Variants in DPYSL5 observed in about 807,000 individuals in gnomAD.
DPYSL5 encodes the protein dihydropyrimidinase-related protein 5.
In DPYSL5, 9 loss-of-function variants were observed where a neutral mutation model predicts 58.4. That is an observed-to-expected ratio of 0.15 (90% CI 0.09 to 0.27). DPYSL5 has a LOEUF of 0.27. Ranked by LOEUF, DPYSL5 falls within the 10% of genes least tolerant of loss-of-function variation. The pLI is 1.00. For missense variants in DPYSL5, 499 were observed against 770.6 expected (o/e 0.65, Z 4.17); for synonymous variants, 293 against 301.9 (o/e 0.97, Z 0.31).
chr2:26,900,743 AGTCCATTCTGGG>A (rs1664137980), intron 2 of DPYSL5, among the ~76,000 whole-genome samples: 1 of 152,230 alleles, frequency 6.6e-6, no homozygotes, highest in Admixed American at 6.5e-5. Flanking sequence ...TGACATCACC[AGTCCATTCTGGG>A]GTCCATTCTG....
rs1165795465 is a variant in DPYSL5 at position 26,849,546 on chromosome 2, G to T, written c.-5+1292G>T. ...GCTTGAAACCAGCCGGTAGCGACTC[G>T]CTTAGGGTTTTGTGATCTTCCGCGG... On this transcript the variant is annotated intron_variant, in intron 1 of 12. Coordinates refer to ENST00000288699, the MANE Select transcript of DPYSL5 (RefSeq NM_020134.4). The surrounding 1 kb of genome is among the most constrained non-coding windows in gnomAD (Gnocchi z 6.2). Among the ~76,000 whole-genome samples, 1 of 152,158 alleles carries T rather than the reference G, an allele frequency of 6.6e-6. No homozygotes were observed. Among genetic ancestry groups the T allele is most frequent in the Non-Finnish European group, 1.5e-5 (1 of 68,012 alleles).
chr2:26,850,450 A>G, intron 1 of DPYSL5, among the ~76,000 whole-genome samples: 1 of 152,142 alleles, frequency 6.6e-6, no homozygotes, highest in Non-Finnish European at 1.5e-5. Flanking sequence ...CAAAGCCAGA[A>G]TTCTGTGTTG....
At chr2:26,910,109 C>A (rs551084622) in intron 2 of DPYSL5, among the ~76,000 whole-genome samples, 1 of 152,066 alleles carries the variant, frequency 6.6e-6, no homozygotes, top group African/African-American at 2.4e-5. Context: ...TGGAGCAATG[C>A]GATATGCATT....
intron 1 of DPYSL5, among the ~76,000 whole-genome samples, chr2:26,897,441 TA>T (rs1558336496): frequency 6.6e-6 from 1 of 152,252 alleles, no homozygotes; most frequent in African/African-American, 2.4e-5. Flanking sequence ...TTCCTTAGTT[TA>T]TAAAGATGGT....
intron 2 of DPYSL5, among the ~76,000 whole-genome samples, chr2:26,905,000 C>T (rs778741991): frequency 6.6e-6 from 1 of 152,236 alleles, no homozygotes; most frequent in Admixed American, 6.5e-5. Flanking sequence ...TTTCACCACC[C>T]TGTTCAAGGC....
At position 26,899,182 on chromosome 2, in the gene DPYSL5, G is replaced by T. The variant is rs113589680; in HGVS notation, c.261+422G>T. On this transcript the variant is annotated intron_variant, in intron 2 of 12. Transcript: ENST00000288699. Reference sequence around the variant, plus strand: ...GAAAGACAAATTTGCTTCTTCTAGAGGATGAGACAGCTTCTATTACCTCTC... The same window carrying T: ...GAAAGACAAATTTGCTTCTTCTAGATGATGAGACAGCTTCTATTACCTCTC... Among the ~76,000 whole-genome samples the T allele has an allele frequency of 2.1e-3, 325 of 152,182 alleles. 1 individual carries two copies. The highest frequency in any genetic ancestry group is 7.6e-3 in the African/African-American group (315 of 41,508).
intron 2 of DPYSL5, among the ~76,000 whole-genome samples, chr2:26,910,616 C>CTTTTTTTTTTT (rs34929540): frequency 1.6e-4 from 19 of 118,510 alleles, no homozygotes; most frequent in South Asian, 2.8e-4. Flanking sequence ...TCTTCTTCTT[C>CTTTTTTTTTTT]TTTTTTTTTT....
intron 1 of DPYSL5, among the ~76,000 whole-genome samples, chr2:26,863,924 A>G (rs1325512079): frequency 2.0e-5 from 3 of 152,176 alleles, no homozygotes; most frequent in African/African-American, 7.2e-5. Context: ...TTTTCGTTTT[A>G]ATAGATACAA....
chr2:26,943,801 T>C (rs1294725392), intron 11 of DPYSL5, among the ~76,000 whole-genome samples: 2 of 152,246 alleles, frequency 1.3e-5, no homozygotes, highest in Non-Finnish European at 2.9e-5. Flanking sequence ...GGCAGTCTGG[T>C]TGTAGAATAT....
At chr2:26,928,125 G>A (rs1210993962) in intron 4 of DPYSL5, 130 bp from the exon 5 acceptor site, 2 of 956,482 alleles carry the variant, frequency 2.1e-6, no homozygotes, top group East Asian at 5.3e-5. Context: ...GAACACTGCA[G>A]AAGTGAGAAA....
At chr2:26,873,927 A>G (rs1477287922) in intron 1 of DPYSL5, among the ~76,000 whole-genome samples, 1 of 152,240 alleles carries the variant, frequency 6.6e-6, no homozygotes, top group Non-Finnish European at 1.5e-5. Context: ...AAATTGACAC[A>G]TAAAATTAAC....
Position 26,924,436 on chromosome 2 carries a change from G to T in DPYSL5, c.262-451G>T, listed in dbSNP as rs1320520898. The stretch of plus-strand genomic sequence containing the variant: ...GGTTCAAATATACGTGTGTAACTAA[G>T]TAAATGATATAAACAGACATTTGAT... On this transcript the variant is annotated intron_variant, in intron 2 of 12. Coordinates refer to ENST00000288699, the MANE Select transcript of DPYSL5 (RefSeq NM_020134.4). The surrounding 1 kb of genome is among the most constrained non-coding windows in gnomAD (Gnocchi z 4.7). Among the ~76,000 whole-genome samples, 8 of 152,132 alleles carry T rather than the reference G, an allele frequency of 5.3e-5. No individual in the cohort carries two copies. Among genetic ancestry groups the T allele is most frequent in the Non-Finnish European group, 7.3e-5 (5 of 68,032 alleles).
At chr2:26,866,337 TA>T (rs758687195) in intron 1 of DPYSL5, among the ~76,000 whole-genome samples, 28 of 152,194 alleles carry the variant, frequency 1.8e-4, no homozygotes, top group Non-Finnish European at 3.8e-4. Flanking sequence ...CTGATTTTAT[TA>T]ACAATACATA....
chr2:26,902,180 G>T (rs1379440999), intron 2 of DPYSL5, among the ~76,000 whole-genome samples: 2 of 152,168 alleles, frequency 1.3e-5, no homozygotes, highest in Non-Finnish European at 2.9e-5. Flanking sequence ...GGGGGAGAGG[G>T]AGTGAGGAGG....
rs749046321 is a variant in DPYSL5 at position 26,944,769 on chromosome 2, C to T, written c.1554C>T (p.Pro518=). ...GTPLADTPTR[P]VTRHGGMRDL... is the part of the protein sequence containing the mutation. ...CACTCGCAGACACTCCTACCCGGCC[C>T]GTCACCCGGCATGGGGGCATGAGGG... Residue 518 remains proline (P), a synonymous_variant, in exon 12 of 13, where the codon CCC becomes CCT. Coordinates refer to ENST00000288699, the MANE Select transcript of DPYSL5 (RefSeq NM_020134.4). The surrounding 1 kb of genome is among the most constrained non-coding windows in gnomAD (Gnocchi z 4.4). 4.4e-5 allele frequency: 71 copies of T among 1,614,014 alleles called. 1 individual carries two copies. Among genetic ancestry groups the T allele is most frequent in the Middle Eastern group, 1.6e-4 (1 of 6,082 alleles).
At chr2:26,851,242 A>G (rs941902045) in intron 1 of DPYSL5, among the ~76,000 whole-genome samples, 1 of 152,200 alleles carries the variant, frequency 6.6e-6, no homozygotes, top group Non-Finnish European at 1.5e-5. Flanking sequence ...TTTTAAAAGG[A>G]TGTAATCTTC....
intron 2 of DPYSL5, among the ~76,000 whole-genome samples, chr2:26,909,891 T>C (rs1241827167): frequency 6.6e-6 from 1 of 152,170 alleles, no homozygotes; most frequent in Non-Finnish European, 1.5e-5. Context: ...GTATAATTAA[T>C]GTTTGATAAG....
intron 2 of DPYSL5, among the ~76,000 whole-genome samples, chr2:26,919,918 G>A (rs1664662441): frequency 6.6e-6 from 1 of 152,038 alleles, no homozygotes; most frequent in Non-Finnish European, 1.5e-5. Flanking sequence ...TCAATTAAAA[G>A]GAATGAAATA....
rs779593783 is a variant in DPYSL5, at chr2:26,942,677, A to C, written c.1367A>C (p.Glu456Ala). The C allele has an allele frequency of 2.5e-6, 4 of 1,614,014 alleles. No individual in the cohort carries two copies. In the Admixed American group the frequency reaches 6.7e-5, roughly 27 times the overall value. The part of the protein sequence containing the change: ...VYENGVFMCA[E>A]GTGKFCPLRS... ...GAGAACGGCGTCTTCATGTGCGCCG[A>C]GGGCACCGGCAAGTTCTGTCCCCTG... Residue 456 changes from glutamate (E) to alanine (A), a missense_variant, in exon 11 of 13, where the codon GAG (glutamate) becomes GCG (alanine). By Grantham distance (107) the Glu-to-Ala change is moderately radical. Around this residue, in one of 3 missense-constraint regions of DPYSL5, gnomAD observed 404 missense variants for 647.6 expected, o/e 0.62. Coordinates refer to ENST00000288699, the MANE Select transcript of DPYSL5 (RefSeq NM_020134.4). The surrounding 1 kb of genome is among the most constrained non-coding windows in gnomAD (Gnocchi z 5.9).
Sources: gnomAD v4.1 joint callset for allele counts (sites outside exome capture counted in the v4.1 genomes callset) on GRCh38, gnomAD v4.1.1 for gene constraint, gnomAD v4.1.1 regional missense constraint, Gnocchi (gnomAD v3.1) non-coding constraint, MANE v1.5 for transcripts, NCBI Gene and HGNC (gene_info 2026-07-23, HGNC 2026-07-21) for gene names.